Variants in SERINC5 observed in about 807,000 individuals in gnomAD.
The protein encoded by SERINC5 is serine incorporator 5.
A neutral mutation model predicts 63.1 loss-of-function variants in SERINC5; 41 were observed. The ratio of observed to expected loss-of-function variants is 0.65; its 90% CI spans 0.51 to 0.84. SERINC5 has a LOEUF of 0.84. Ranked by LOEUF, SERINC5 falls within the 40% of genes least tolerant of loss-of-function variation. The pLI, the probability that SERINC5 is intolerant of heterozygous loss-of-function variation, is 0.00. For synonymous variants in SERINC5, 222 were observed against 215.2 expected, an observed-to-expected ratio of 1.03 and a Z score of -0.28; for missense variants, 523 against 573.0, an observed-to-expected ratio of 0.91 and a Z score of 0.89.
At chr5:80,254,345 A>G (rs185442805) in intron 1 of SERINC5, among the ~76,000 whole-genome samples, 2 of 152,372 alleles carry the variant, frequency 1.3e-5, no homozygotes, top group Admixed American at 6.5e-5. Flanking sequence ...AGCAGGGGTT[A>G]ACTTTGATTT....
At chr5:80,237,610 C>A (rs1751754657) in intron 1 of SERINC5, among the ~76,000 whole-genome samples, 1 of 151,824 alleles carries the variant, frequency 6.6e-6, no homozygotes, top group Admixed American at 6.6e-5. Flanking sequence ...ACTGGGATTA[C>A]AAGCAAGAGC....
At chr5:80,180,535 G>A (rs1435485288) in intron 2 of SERINC5, among the ~76,000 whole-genome samples, 1 of 152,190 alleles carries the variant, frequency 6.6e-6, no homozygotes, top group Non-Finnish European at 1.5e-5. Context: ...AATTAAGCCA[G>A]AGCTTGAGGG....
At chr5:80,246,451 A>G (rs1752173359) in intron 1 of SERINC5, among the ~76,000 whole-genome samples, 1 of 152,190 alleles carries the variant, frequency 6.6e-6, no homozygotes, top group African/African-American at 2.4e-5. Flanking sequence ...GGGGTTATGC[A>G]TGTGTTTTTC....
chr5:80,219,271 TG>T (rs762806030), intron 1 of SERINC5, among the ~76,000 whole-genome samples: 20 of 152,208 alleles, frequency 1.3e-4, no homozygotes, highest in Non-Finnish European at 2.6e-4. Flanking sequence ...GGTAGTGCCA[TG>T]AAAGTCCTGG....
chr5:80,225,607 A>C (rs895028606), intron 1 of SERINC5, among the ~76,000 whole-genome samples: 1 of 152,220 alleles, frequency 6.6e-6, no homozygotes, highest in African/African-American at 2.4e-5. Context: ...TGAGCAGCAA[A>C]GCCTTGATGG....
chr5:80,139,160 C>T lies in SERINC5; in HGVS notation c.*4503G>A, dbSNP rs1745356070. On this transcript the variant is annotated 3_prime_UTR_variant, in exon 12 of 12. Coordinates refer to ENST00000507668, the MANE Select transcript of SERINC5 (RefSeq NM_001174072.3). ...AAAACGTAACCACATAATTTGGCTA[C>T]AGCTAATCGTTTCAGAAAAGTTTAA... 1.0e-6 allele frequency: 1 copy of T among 985,056 alleles called. No individual in the cohort carries two copies. The highest frequency in any genetic ancestry group is 1.7e-5 in the African/African-American group (1 of 57,330). 61.0% of individuals were successfully genotyped at this position (985,056 alleles called of 1,614,324 possible).
chr5:80,192,864 C>G lies in SERINC5; in HGVS notation c.195+10022G>C, dbSNP rs73128075. Among the ~76,000 whole-genome samples, 40 of 152,240 alleles carry G rather than the reference C, an allele frequency of 2.6e-4. 1 individual carries two copies. The highest frequency in any genetic ancestry group is 2.1e-3 in the South Asian group (10 of 4,826). ...GGGAGAGAGCATTCCTGAGTTACCA[C>G]GTGACTCCGAAGGTCAGCCGAGTCA... On this transcript the variant is annotated intron_variant, in intron 2 of 11. Transcript: ENST00000507668.
chr5:80,133,146 A>C (rs1580034418), intron 11 of SERINC5, among the ~76,000 whole-genome samples: 1 of 151,996 alleles, frequency 6.6e-6, no homozygotes, highest in African/African-American at 2.4e-5. Context: ...CTCGCACTTC[A>C]CCTTCCACAG....
Position 80,140,921 on chromosome 5 carries a change from C to A in SERINC5, c.*2742G>T, listed in dbSNP as rs1379493870. 1.0e-6 allele frequency: 1 copy of A among 985,126 alleles called. No homozygotes were observed. The highest frequency in any genetic ancestry group is 1.2e-6 in the Non-Finnish European group (1 of 829,828). 61.0% of individuals were successfully genotyped at this position (985,126 alleles called of 1,614,324 possible). A position where few individuals can be genotyped will look rare whatever the true frequency, so the allele number is the denominator to read the frequency against. ...GTCATGTACAAAAAGGTGTAGGAAGCAAATGTCTATTATTTTTAAAAGATA... is the reference window on the plus strand; with the variant it reads ...GTCATGTACAAAAAGGTGTAGGAAGAAAATGTCTATTATTTTTAAAAGATA... On this transcript the variant is annotated 3_prime_UTR_variant, in exon 12 of 12. Coordinates refer to ENST00000507668, the MANE Select transcript of SERINC5 (RefSeq NM_001174072.3).
chr5:80,121,895 C>T (rs75486836), intron 11 of SERINC5, among the ~76,000 whole-genome samples: 1 of 151,924 alleles, frequency 6.6e-6, no homozygotes, highest in Non-Finnish European at 1.5e-5. Flanking sequence ...GGGCACAAAA[C>T]CATTCATGAG....
intron 2 of SERINC5, among the ~76,000 whole-genome samples, chr5:80,184,861 G>A (rs1313549260): frequency 6.6e-6 from 1 of 152,094 alleles, no homozygotes; most frequent in Middle Eastern, 3.2e-3. Flanking sequence ...GGGCACTTAA[G>A]CCAGGCTCAC....
At chr5:80,198,474 G>A in intron 2 of SERINC5, 1 of 949,342 alleles carries the variant, frequency 1.1e-6, no homozygotes, top group Non-Finnish European at 1.3e-6. Context: ...CAAGGGAGCT[G>A]CCCTTGCGCT....
intron 7 of SERINC5, among the ~76,000 whole-genome samples, chr5:80,164,818 C>T (rs1178601536): frequency 6.6e-6 from 1 of 151,456 alleles, no homozygotes; most frequent in Non-Finnish European, 1.5e-5. Context: ...ATGCTATAAA[C>T]TTCCCTGTGT....
At chr5:80,165,964 CTTAAT>C (rs1313028244) in intron 7 of SERINC5, among the ~76,000 whole-genome samples, 1 of 152,076 alleles carries the variant, frequency 6.6e-6, no homozygotes, top group Non-Finnish European at 1.5e-5. Context: ...TATTTTTTAA[CTTAAT>C]TTTTGTGGAT....
rs940139957 is a variant in SERINC5, at chr5:80,143,518, A to T, written c.*145T>A. On this transcript the variant is annotated 3_prime_UTR_variant, in exon 12 of 12. Coordinates refer to ENST00000507668, the MANE Select transcript of SERINC5 (RefSeq NM_001174072.3). ...TTTTGAATTTCAAAAGTAAAAAGCTAATCAGGAGATTTTTTTTTTTCTCTC... is the reference window on the plus strand; with the variant it reads ...TTTTGAATTTCAAAAGTAAAAAGCTTATCAGGAGATTTTTTTTTTTCTCTC... The T allele has an allele frequency of 1.2e-4, 162 of 1,374,610 alleles. No individual in the cohort carries two copies. The highest frequency in any genetic ancestry group is 1.4e-4 in the Non-Finnish European group (154 of 1,067,206). The allele number at this position is 1,374,610 out of a possible 1,614,324, so 85.2% of individuals were successfully genotyped here.
At chr5:80,192,765 C>T (rs1749268442) in intron 2 of SERINC5, among the ~76,000 whole-genome samples, 1 of 152,296 alleles carries the variant, frequency 6.6e-6, no homozygotes, top group African/African-American at 2.4e-5. Context: ...TTATGCTCAG[C>T]CCTGATGAGG....
At chr5:80,227,483 G>A (rs528540504) in intron 1 of SERINC5, among the ~76,000 whole-genome samples, 4 of 151,818 alleles carry the variant, frequency 2.6e-5, no homozygotes, top group Non-Finnish European at 5.9e-5. Flanking sequence ...GTTTACAGCC[G>A]GGAGCAGCGG....
rs1354950205 is a variant in SERINC5, at chr5:80,158,844, C to A, written c.978G>T (p.Leu326Phe). The A allele has an allele frequency of 6.2e-7, 1 of 1,613,216 alleles. No individual in the cohort carries two copies. Among genetic ancestry groups the A allele is most frequent in the Non-Finnish European group, 8.5e-7 (1 of 1,179,736 alleles). Reference protein sequence around the residue: ...LGTSLLIGCILYSCLTSTTRS... With the variant: ...LGTSLLIGCIFYSCLTSTTRS... Reference sequence around the variant, plus strand: ...TAACTCCCAAGACTTACCATGAATACAAGATACATCCGATTAAGAGGCTGG... The same window carrying A: ...TAACTCCCAAGACTTACCATGAATAAAAGATACATCCGATTAAGAGGCTGG... The change falls in exon 8 of 12, where the codon TTG becomes TTT. Residue 326 changes from leucine to phenylalanine, a missense_variant. Leu to Phe is a conservative substitution (Grantham distance 22, BLOSUM62 0). Transcript: ENST00000507668.
At chr5:80,249,771 C>G (rs1752321903) in intron 1 of SERINC5, among the ~76,000 whole-genome samples, 1 of 152,086 alleles carries the variant, frequency 6.6e-6, no homozygotes, top group Admixed American at 6.5e-5. Context: ...CATTGCACTC[C>G]AGCCTCGGCA....
Sources: gnomAD v4.1 joint callset for allele counts (sites outside exome capture counted in the v4.1 genomes callset) on GRCh38, gnomAD v4.1.1 for gene constraint, MANE v1.5 for transcripts, NCBI Gene and HGNC (gene_info 2026-07-23, HGNC 2026-07-21) for gene names.